Variants in PRP4K observed in about 807,000 individuals in gnomAD.
PRP4K encodes the protein serine/threonine-protein kinase PRP4 homolog.
the PRP4K span, chr6:4,063,995 A>C: frequency 2.0e-5 from 3 of 152,164 alleles, no homozygotes; most frequent in Non-Finnish European, 4.4e-5. Flanking sequence ...AGAATAGTTG[A>C]GATCTGGAAA....
the PRP4K span, chr6:4,031,965 A>G: frequency 6.8e-6 from 11 of 1,613,984 alleles, no homozygotes; most frequent in Admixed American, 1.3e-4. Context: ...AGAGGGGGAA[A>G]TTCATGAAAA....
chr6:4,038,059 C>T, the PRP4K span, among the ~76,000 whole-genome samples: 1 of 152,006 alleles, frequency 6.6e-6, no homozygotes, highest in African/African-American at 2.4e-5. Flanking sequence ...AGCAGGGAAT[C>T]ATTTTTTAAA....
chr6:4,053,175 T>C, the PRP4K span, among the ~76,000 whole-genome samples: 12 of 152,214 alleles, frequency 7.9e-5, no homozygotes, highest in Non-Finnish European at 2.9e-5. Context: ...CTGTTATCTT[T>C]AGAAAAATGC....
chr6:4,038,587 G>T, the PRP4K span, among the ~76,000 whole-genome samples: 2 of 151,970 alleles, frequency 1.3e-5, no homozygotes, highest in South Asian at 2.1e-4. Context: ...TAATACTACC[G>T]CTTACTCATG....
At chr6:4,025,774 G>A in the PRP4K span, among the ~76,000 whole-genome samples, 1 of 152,126 alleles carries the variant, frequency 6.6e-6, no homozygotes, top group African/African-American at 2.4e-5. Context: ...TTTGTAAATT[G>A]TTAGCATTAG....
the PRP4K span, chr6:4,037,518 C>T: frequency 5.0e-6 from 8 of 1,613,968 alleles, no homozygotes; most frequent in Admixed American, 1.2e-4. Flanking sequence ...GTCTCGTTCC[C>T]CACTCAGACG....
chr6:4,048,326 C>T, the PRP4K span, among the ~76,000 whole-genome samples: 12 of 143,380 alleles, frequency 8.4e-5, no homozygotes, highest in African/African-American at 2.6e-4. Flanking sequence ...TTGCAGTGAG[C>T]GGAGATCGCG....
the PRP4K span, among the ~76,000 whole-genome samples, chr6:4,042,201 T>G: frequency 2.0e-5 from 3 of 152,224 alleles, no homozygotes; most frequent in Admixed American, 1.3e-4. Flanking sequence ...GTGACTTTAC[T>G]AAGGTCATGG....
the PRP4K span, among the ~76,000 whole-genome samples, chr6:4,033,204 T>C: frequency 6.6e-6 from 1 of 152,228 alleles, no homozygotes; most frequent in Non-Finnish European, 1.5e-5. Context: ...GCATGAGTTT[T>C]AAATTTTAAC....
the PRP4K span, chr6:4,064,075 G>A: frequency 1.3e-5 from 2 of 152,102 alleles, no homozygotes; most frequent in Admixed American, 6.5e-5. Flanking sequence ...TTGGAATTTC[G>A]AGGTTTTGAG....
the PRP4K span, among the ~76,000 whole-genome samples, chr6:4,052,301 C>G: frequency 6.6e-6 from 1 of 152,080 alleles, no homozygotes; most frequent in Admixed American, 6.6e-5. Flanking sequence ...CTCTGTTGCT[C>G]CTCCCGGAGT....
the PRP4K span, chr6:4,047,200 A>G: frequency 6.2e-7 from 1 of 1,612,508 alleles, no homozygotes; most frequent in South Asian, 1.1e-5. Flanking sequence ...AGTTGTTGGC[A>G]CCTGATATGT....
the PRP4K span, chr6:4,049,381 T>TA: frequency 4.3e-6 from 2 of 460,804 alleles, no homozygotes; most frequent in African/African-American, 4.0e-5. Context: ...AAGGAAGGGG[T>TA]ACGTCACTTA....
chr6:4,052,224 G>T, the PRP4K span: 1 of 1,027,418 alleles, frequency 9.7e-7, no homozygotes, highest in Non-Finnish European at 1.4e-6. Flanking sequence ...TCTGGTTTTT[G>T]TTTTTAACTT....
the PRP4K span, chr6:4,043,841 A>C: frequency 6.2e-7 from 1 of 1,614,174 alleles, no homozygotes; most frequent in South Asian, 1.1e-5. Context: ...GAAGATAGCA[A>C]CATGTCTGTG....
chr6:4,027,405 C>T, the PRP4K span, among the ~76,000 whole-genome samples: 1 of 152,116 alleles, frequency 6.6e-6, no homozygotes, highest in Non-Finnish European at 1.5e-5. Context: ...GAGCAACTTG[C>T]CTAAGGGCAC....
the PRP4K span, chr6:4,040,831 G>A: frequency 8.7e-6 from 14 of 1,613,828 alleles, no homozygotes; most frequent in East Asian, 4.5e-5. Context: ...CGCGGTGGTC[G>A]TAGACGAAGG....
the PRP4K span, chr6:4,052,100 A>G: frequency 9.5e-6 from 15 of 1,573,084 alleles, no homozygotes; most frequent in African/African-American, 1.4e-5. Context: ...CTCAGGTACA[A>G]TGTCAAAACG....
At chr6:4,040,836 CGAA>C in the PRP4K span, 20 of 1,613,614 alleles carry the variant, frequency 1.2e-5, no homozygotes, top group Non-Finnish European at 1.6e-5. Context: ...TGGTCGTAGA[CGAA>C]GGAGCAGAAG....
Sources: allele counts gnomAD v4.1 joint callset (sites outside exome capture counted in the v4.1 genomes callset), GRCh38; gene constraint gnomAD v4.1.1; transcripts MANE v1.5; gene names NCBI Gene and HGNC (gene_info 2026-07-23, HGNC 2026-07-21).